GPLD1: variants seen among roughly 807,000 people sequenced by gnomAD.
GPLD1 encodes glycosylphosphatidylinositol specific phospholipase D1.
GPLD1 carries 84 observed loss-of-function variants against 112.6 expected under a neutral mutation model. That is an observed-to-expected ratio of 0.75 (90% CI 0.63 to 0.89). GPLD1 has a LOEUF of 0.89. Ranked by LOEUF, GPLD1 falls within the 40% of genes least tolerant of loss-of-function variation. The pLI, the probability that GPLD1 is intolerant of heterozygous loss-of-function variation, is 0.00. For synonymous variants in GPLD1, 386 were observed against 403.8 expected (o/e 0.96, Z 0.53); for missense variants, 1,044 against 1,051.5 (o/e 0.99, Z 0.10).
intron 24 of GPLD1, among the ~76,000 whole-genome samples, 162 bp downstream of exon 24, chr6:24,433,025 T>G (rs1762456182): frequency 6.6e-6 from 1 of 152,224 alleles, no homozygotes; most frequent in Non-Finnish European, 1.5e-5. Context: ...AGGGAAACTT[T>G]CCACCAAGGA....
chr6:24,460,264 G>C lies in GPLD1; in HGVS notation c.1008+15C>G, dbSNP rs375838328. On this transcript the variant is annotated intron_variant, in intron 12 of 24. Transcript: ENST00000230036. The stretch of plus-strand genomic sequence containing the variant: ...CAGCATTCCTCTTTCTCAACTTAGA[G>C]CAGAAAATTCTTACCGGGGTCCAGG... 1 of 1,613,480 alleles carries C rather than the reference G, an allele frequency of 6.2e-7. No homozygotes were observed. Among genetic ancestry groups the C allele is most frequent in the Non-Finnish European group, 8.5e-7 (1 of 1,179,582 alleles).
At chr6:24,442,856 C>T (rs1054140485) in intron 20 of GPLD1, among the ~76,000 whole-genome samples, 1 of 152,094 alleles carries the variant, frequency 6.6e-6, no homozygotes, top group Non-Finnish European at 1.5e-5. Flanking sequence ...GCTGCGATTA[C>T]AGGCATGACC....
rs1762256886 is a variant in GPLD1, at chr6:24,427,002, TC to T, written c.*2029del. On this transcript the variant is annotated 3_prime_UTR_variant, in exon 25 of 25. Transcript: ENST00000230036. The stretch of plus-strand genomic sequence containing the variant: ...TTCCACTCTTCAGCTGGATTCCTCT[TC>T]CTGTCCCCTTTTCACCAGTCTCTAC... 1.3e-5 allele frequency among the ~76,000 whole-genome samples: 2 copies of T among 152,160 alleles called. No individual in the cohort carries two copies. Among genetic ancestry groups the T allele is most frequent in the South Asian group, 4.1e-4 (2 of 4,824 alleles).
intron 7 of GPLD1, among the ~76,000 whole-genome samples, chr6:24,469,693 G>A (rs1284192380): frequency 4.2e-5 from 6 of 143,164 alleles, no homozygotes; most frequent in African/African-American, 1.6e-4. Context: ...ACGAGTTAGT[G>A]GGTGCAGCGC....
intron 20 of GPLD1, among the ~76,000 whole-genome samples, chr6:24,438,324 CTT>C (rs1251321465): frequency 2.6e-5 from 4 of 152,180 alleles, no homozygotes; most frequent in Middle Eastern, 3.2e-3. Flanking sequence ...TCGCTGTAAA[CTT>C]TATTATTTGG....
downstream of GPLD1, chr6:24,425,283 G>A (rs973156780): frequency 2.0e-5 from 3 of 152,080 alleles, no homozygotes; most frequent in African/African-American, 7.2e-5. Flanking sequence ...AATCCCAGAG[G>A]GCAACATTTG....
Position 24,429,105 on chromosome 6 carries a change from A to G in GPLD1, c.2450T>C (p.Ile817Thr), listed in dbSNP as rs1480612714. ...VRSKAKNQVVIAAGRSSLGAR... is the reference protein window; with the variant it reads ...VRSKAKNQVVTAAGRSSLGAR... Reference sequence around the variant, plus strand: ...TCCCAAAGAACTCCTTCCAGCAGCAATGACGACTTGGTTCTGTAAGGGACA... The same window carrying G: ...TCCCAAAGAACTCCTTCCAGCAGCAGTGACGACTTGGTTCTGTAAGGGACA... Residue 817 changes from isoleucine (I) to threonine (T), a missense_variant, in exon 25 of 25, where the codon ATT becomes ACT. By Grantham distance (89) the Ile-to-Thr change is moderately conservative (BLOSUM62 -1). Transcript: ENST00000230036. The G allele has an allele frequency of 1.2e-6, 2 of 1,612,928 alleles. No homozygotes were observed. Among genetic ancestry groups the G allele is most frequent in the South Asian group, 2.2e-5 (2 of 91,008 alleles).
chr6:24,494,355 T>C (rs577591948), upstream of GPLD1, among the ~76,000 whole-genome samples: 18 of 152,314 alleles, frequency 1.2e-4, no homozygotes, highest in Non-Finnish European at 7.3e-5. Context: ...AGTCTGTTTA[T>C]TTCCAAAGCG....
chr6:24,435,255 C>A lies in GPLD1; in HGVS notation c.2358+1321G>T, dbSNP rs540924029. On this transcript the variant is annotated intron_variant, in intron 22 of 24. Transcript: ENST00000230036. ...CTCGATCTTCTGACCTTGTGATCCGCCCGCCTCAGCCTCCCAAAGTGCTGG... is the reference window on the plus strand; with the variant it reads ...CTCGATCTTCTGACCTTGTGATCCGACCGCCTCAGCCTCCCAAAGTGCTGG... Among the ~76,000 whole-genome samples the A allele has an allele frequency of 1.1e-3, 169 of 152,160 alleles. 1 individual carries two copies. Among genetic ancestry groups the A allele is most frequent in the Non-Finnish European group, 2.0e-3 (136 of 68,008 alleles).
intron 18 of GPLD1, 87 bp from the exon 19 acceptor site, chr6:24,445,918 T>G: frequency 1.1e-6 from 1 of 906,268 alleles, no homozygotes. Context: ...GAAATGCACC[T>G]CCCCCCATCC....
chr6:24,485,182 C>G (rs577477884), intron 2 of GPLD1, among the ~76,000 whole-genome samples: 1 of 152,180 alleles, frequency 6.6e-6, no homozygotes, highest in Non-Finnish European at 1.5e-5. Flanking sequence ...TTGTGCTCAA[C>G]ACACAGTAAC....
In GPLD1 at chr6:24,453,963, T is replaced by C. The variant is rs1763179938; in HGVS notation, c.1335+52A>G. On this transcript the variant is annotated intron_variant, in intron 14 of 24. Coordinates refer to ENST00000230036, the MANE Select transcript of GPLD1 (RefSeq NM_001503.4). ...TCATCCTGGAGAATCTGCCACAAAA[T>C]GCAAGAGTAGCTACTAACCACTAGA... 14 of 1,160,628 alleles carry C rather than the reference T, an allele frequency of 1.2e-5. No individual in the cohort carries two copies. The East Asian group carries it at 3.4e-4, about 28-fold the overall frequency. The allele number at this position is 1,160,628 out of a possible 1,614,324, so 71.9% of individuals were successfully genotyped here. A position where few individuals can be genotyped will look rare whatever the true frequency, so the allele number is the denominator to read the frequency against.
intron 1 of GPLD1, among the ~76,000 whole-genome samples, chr6:24,487,585 A>G (rs948903156): frequency 6.6e-6 from 1 of 152,208 alleles, no homozygotes; most frequent in Admixed American, 6.5e-5. Flanking sequence ...GTTCCTCATC[A>G]GCTTACTCTG....
At chr6:24,433,621 T>G in intron 22 of GPLD1, 1 of 428,388 alleles carries the variant, frequency 2.3e-6, no homozygotes, top group Non-Finnish European at 4.2e-6. Flanking sequence ...GCCTCGTGAG[T>G]TGATGGAATT....
At chr6:24,444,598 C>G (rs571138902) in intron 20 of GPLD1, among the ~76,000 whole-genome samples, 12 of 151,920 alleles carry the variant, frequency 7.9e-5, no homozygotes, top group Non-Finnish European at 1.8e-4. Flanking sequence ...TGCCTGTAAT[C>G]CCAGCACTTT....
intron 24 of GPLD1, among the ~76,000 whole-genome samples, chr6:24,429,479 C>T (rs577683271): frequency 5.3e-4 from 80 of 152,302 alleles, no homozygotes; most frequent in Non-Finnish European, 1.0e-3. Context: ...CTCCCACCTA[C>T]CCTGCTGCTT....
intron 2 of GPLD1, among the ~76,000 whole-genome samples, chr6:24,484,360 T>C (rs76911236): frequency 0.012 from 1,799 of 152,160 alleles, 33 homozygotes; most frequent in African/African-American, 0.04. Flanking sequence ...AGACTATAGG[T>C]GTCTGCCACC....
In GPLD1 at chr6:24,448,224, C is replaced by G; in HGVS notation, c.1447-16G>C. On this transcript the variant is annotated splice_polypyrimidine_tract_variant and intron_variant, in intron 15 of 24. Coordinates refer to ENST00000230036, the MANE Select transcript of GPLD1 (RefSeq NM_001503.4). ...ACACGGCACCCTAGATAAGGACAAA[C>G]AGCAGATAGACATGAGGCTCTGGTG... 6.4e-7 allele frequency: 1 copy of G among 1,569,844 alleles called. No homozygotes were observed. Among genetic ancestry groups the G allele is most frequent in the Non-Finnish European group, 8.7e-7 (1 of 1,143,736 alleles).
Position 24,473,620 on chromosome 6 carries a change from A to G in GPLD1, c.489T>C (p.Phe163=). 1.2e-6 allele frequency: 2 copies of G among 1,600,232 alleles called. No homozygotes were observed. Among genetic ancestry groups the G allele is most frequent in the Non-Finnish European group, 1.7e-6 (2 of 1,167,776 alleles). The change falls in exon 6 of 25, where the codon TTT becomes TTC. Residue 163 remains phenylalanine, a splice_region_variant and synonymous_variant. Coordinates refer to ENST00000230036, the MANE Select transcript of GPLD1 (RefSeq NM_001503.4). The part of the protein sequence containing the change: ...SYSEAHSAGD[F]GGDVLSQFEF... Reference sequence around the variant, plus strand: ...TTAGCAAATGTAAATAAACAGTACCAAAATCACCAGCCGAATGAGCCTCTG... The same window carrying G: ...TTAGCAAATGTAAATAAACAGTACCGAAATCACCAGCCGAATGAGCCTCTG...
Sources: gnomAD v4.1 joint callset for allele counts (sites outside exome capture counted in the v4.1 genomes callset) on GRCh38, gnomAD v4.1.1 for gene constraint, MANE v1.5 for transcripts, NCBI Gene and HGNC (gene_info 2026-07-23, HGNC 2026-07-21) for gene names.